Variants in EPG5 observed in about 807,000 individuals in gnomAD.
EPG5 encodes ectopic P granules protein 5 homolog.
EPG5 carries 159 observed loss-of-function variants against 302.7 expected under a neutral mutation model. The ratio of observed to expected loss-of-function variants is 0.53; its 90% CI spans 0.46 to 0.60. EPG5 has a LOEUF of 0.60. Ranked by LOEUF, EPG5 falls within the 20% of genes least tolerant of loss-of-function variation. The probability of loss-of-function intolerance (pLI) is 0.00; values close to 1 mark genes in which losing one functional copy is unlikely to be tolerated. For synonymous variants in EPG5, 1,158 were observed against 1,136.8 expected (o/e 1.02, Z -0.37); for missense variants, 2,896 against 3,092.4 (o/e 0.94, Z 1.51).
chr18:45,837,910 G>C, the EPG5 span: 4 of 1,485,810 alleles, frequency 2.7e-6, no homozygotes, highest in Non-Finnish European at 3.5e-6. Flanking sequence ...AGGCGGCGTG[G>C]GAGCGGGTCC....
At chr18:45,890,016 A>G in intron 27 of EPG5, 76 bp from the exon 28 acceptor site, 1 of 1,295,612 alleles carries the variant, frequency 7.7e-7, no homozygotes. Context: ...AACTGAAATA[A>G]AATTATTGTC....
chr18:45,887,477 T>C (rs1391839346), intron 29 of EPG5, among the ~76,000 whole-genome samples: 1 of 152,218 alleles, frequency 6.6e-6, no homozygotes, highest in Non-Finnish European at 1.5e-5. Flanking sequence ...AGAGATTTAG[T>C]ACTGTTATTG....
At chr18:45,962,781 A>C (rs1207744210) in intron 1 of EPG5, among the ~76,000 whole-genome samples, 1 of 152,238 alleles carries the variant, frequency 6.6e-6, no homozygotes, top group Non-Finnish European at 1.5e-5. Context: ...TATACTATAG[A>C]TGGTAAAGGT....
chr18:45,944,151 G>A, intron 7 of EPG5, 32 bp from the exon 8 acceptor site: 2 of 1,332,010 alleles, frequency 1.5e-6, no homozygotes, highest in Non-Finnish European at 2.2e-6. Flanking sequence ...CATGTCAGCA[G>A]ATTTGATCAG....
chr18:45,917,595 T>C (rs570629662), intron 17 of EPG5, 84 bp downstream of exon 17: 2 of 1,531,528 alleles, frequency 1.3e-6, no homozygotes, highest in Admixed American at 3.7e-5. Context: ...TCCCTTTATT[T>C]TACTTAAGAA....
chr18:45,880,727 C>A (rs1357786127), intron 31 of EPG5, among the ~76,000 whole-genome samples: 1 of 152,186 alleles, frequency 6.6e-6, no homozygotes, highest in African/African-American at 2.4e-5. Context: ...AGCCCATATT[C>A]TGAACTAGTC....
At chr18:45,809,758 CA>C in the EPG5 span, among the ~76,000 whole-genome samples, 1 of 152,144 alleles carries the variant, frequency 6.6e-6, no homozygotes, top group Admixed American at 6.5e-5. Context: ...TAAATGCCCA[CA>C]TCAAAAGGTC....
At chr18:45,840,069 T>C in the EPG5 span, 1 of 851,440 alleles carries the variant, frequency 1.2e-6, no homozygotes, top group South Asian at 1.9e-5. Context: ...ATGGCACAGC[T>C]TCACACCCTG....
At chr18:45,898,854 C>T (rs186731955) in intron 27 of EPG5, among the ~76,000 whole-genome samples, 23 of 152,330 alleles carry the variant, frequency 1.5e-4, no homozygotes, top group African/African-American at 4.8e-4. Flanking sequence ...AGACCGGACG[C>T]GGTGGCTCAC....
the EPG5 span, among the ~76,000 whole-genome samples, chr18:45,801,340 GTGTT>G: frequency 6.6e-6 from 1 of 152,054 alleles, no homozygotes; most frequent in African/African-American, 2.4e-5. Context: ...CCGGCCCTGT[GTGTT>G]TGTTTTTTGA....
intron 34 of EPG5, among the ~76,000 whole-genome samples, chr18:45,876,907 C>A (rs2048981808): frequency 6.6e-6 from 1 of 152,060 alleles, no homozygotes; most frequent in Admixed American, 6.5e-5. Context: ...CATCAGCCTC[C>A]CGAGCAACTG....
chr18:45,913,975 C>T (rs1340777141), intron 20 of EPG5, 147 bp from the exon 21 acceptor site: 3 of 878,594 alleles, frequency 3.4e-6, no homozygotes, highest in Non-Finnish European at 5.2e-6. Flanking sequence ...CCTTTTTATA[C>T]CTACCTATAT....
At chr18:45,922,128 A>G (rs771835329) in intron 16 of EPG5, among the ~76,000 whole-genome samples, 1 of 152,168 alleles carries the variant, frequency 6.6e-6, no homozygotes, top group Non-Finnish European at 1.5e-5. Context: ...CTCTCTTCAT[A>G]AAGTAACATT....
At chr18:45,946,954 C>T (rs1421547794) in intron 6 of EPG5, among the ~76,000 whole-genome samples, 186 bp from the exon 7 acceptor site, 1 of 152,216 alleles carries the variant, frequency 6.6e-6, no homozygotes, top group East Asian at 1.9e-4. Flanking sequence ...GAGAATGCAA[C>T]CATTCTGAAT....
chr18:45,936,438 T>G (rs746673744), intron 10 of EPG5, among the ~76,000 whole-genome samples: 1 of 148,070 alleles, frequency 6.8e-6, no homozygotes, highest in Non-Finnish European at 1.5e-5. Flanking sequence ...CAGAATCTGC[T>G]AAGGAATGGC....
chr18:45,943,776 C>T (rs1016534505), intron 8 of EPG5, among the ~76,000 whole-genome samples: 20 of 152,096 alleles, frequency 1.3e-4, no homozygotes, highest in African/African-American at 4.3e-4. Context: ...AAAAAATTAG[C>T]CGGGCGTGGT....
intron 25 of EPG5, among the ~76,000 whole-genome samples, chr18:45,902,687 T>C (rs935674191): frequency 1.3e-5 from 2 of 152,228 alleles, no homozygotes; most frequent in Non-Finnish European, 2.9e-5. Flanking sequence ...TAATCTCTTA[T>C]ATCTGAGAAA....
At chr18:45,843,677 G>A (rs1262213249), downstream of EPG5, 2 of 152,218 alleles carry the variant, frequency 1.3e-5, no homozygotes, top group Admixed American at 6.5e-5. Context: ...TCAGGAGTTC[G>A]AGACCAGCCT....
chr18:45,912,929 A>G (rs2059151070), intron 21 of EPG5, among the ~76,000 whole-genome samples: 1 of 152,040 alleles, frequency 6.6e-6, no homozygotes, highest in Non-Finnish European at 1.5e-5. Flanking sequence ...CTCTACTAAA[A>G]ATAGAAAAAT....
Sources: allele counts gnomAD v4.1 joint callset (sites outside exome capture counted in the v4.1 genomes callset), GRCh38; gene constraint gnomAD v4.1.1; transcripts MANE v1.5; gene names NCBI Gene and HGNC (gene_info 2026-07-23, HGNC 2026-07-21).